Variants in GLIS1 observed in about 807,000 individuals in gnomAD.
GLIS1 encodes the protein zinc finger protein GLIS1.
GLIS1 carries 24 observed loss-of-function variants against 63.8 expected under a neutral mutation model. The ratio of observed to expected loss-of-function variants is 0.38; its 90% CI spans 0.27 to 0.53. The LOEUF (loss-of-function observed/expected upper bound fraction) is 0.53. Among genes scored for constraint, GLIS1 ranks in the 20% least tolerant of loss-of-function variants. The pLI, the probability that GLIS1 is intolerant of heterozygous loss-of-function variation, is 0.85. For synonymous variants in GLIS1, 450 were observed against 482.5 expected (o/e 0.93, Z 0.88); for missense variants, 1,036 against 1,074.1 (o/e 0.96, Z 0.50).
rs561082671 is a variant in GLIS1, at chr1:53,639,586, G to A, written c.260-39308C>T. On this transcript the variant is annotated intron_variant, in intron 2 of 10. Transcript: ENST00000628545. The surrounding 1 kb of genome is among the most constrained non-coding windows in gnomAD (Gnocchi z 4.6). Reference sequence around the variant, plus strand: ...CACAATTTGACGGAGGCCTAGAGCTGGATCCACCAGAGGGTGACGATAATA... The same window carrying A: ...CACAATTTGACGGAGGCCTAGAGCTAGATCCACCAGAGGGTGACGATAATA... Among the ~76,000 whole-genome samples the A allele has an allele frequency of 6.6e-6, 1 of 152,254 alleles. No individual in the cohort carries two copies. The highest frequency in any genetic ancestry group is 2.1e-4 in the South Asian group (1 of 4,822).
intron 4 of GLIS1, among the ~76,000 whole-genome samples, chr1:53,551,676 G>A (rs1644761107): frequency 6.6e-6 from 1 of 152,002 alleles, no homozygotes; most frequent in Non-Finnish European, 1.5e-5. Flanking sequence ...TCCCCGGTGA[G>A]GGCACTCCCA....
intron 4 of GLIS1, among the ~76,000 whole-genome samples, chr1:53,590,714 C>A (rs943966801): frequency 2.0e-5 from 3 of 152,098 alleles, no homozygotes; most frequent in African/African-American, 7.2e-5. Flanking sequence ...ACTCGGGCAA[C>A]GTAAGAAACA....
intron 2 of GLIS1, among the ~76,000 whole-genome samples, chr1:53,666,080 C>T (rs4927025): frequency 0.21 from 31,563 of 152,086 alleles, 3,328 homozygotes; most frequent in East Asian, 0.33. Flanking sequence ...CCAGAATGCA[C>T]GAGGTTACAC....
At chr1:53,615,391 T>C (rs905246442) in intron 2 of GLIS1, among the ~76,000 whole-genome samples, 3 of 152,186 alleles carry the variant, frequency 2.0e-5, no homozygotes, top group African/African-American at 7.2e-5. Context: ...TCCCAACTCC[T>C]ACCCTGTGAA....
In GLIS1 at chr1:53,623,540, G is replaced by C. The variant is rs191888381; in HGVS notation, c.260-23262C>G. Among the ~76,000 whole-genome samples, 15 of 152,246 alleles carry C rather than the reference G, an allele frequency of 9.9e-5. No homozygotes were observed. In the East Asian group the frequency reaches 2.7e-3, roughly 27 times the overall value. On this transcript the variant is annotated intron_variant, in intron 2 of 10. Transcript: ENST00000628545. Reference sequence around the variant, plus strand: ...ACATTATTATTAGATGTCTTAGCTAGTGCAGTTCAGTAAGAAAGGAAAAAA... The same window carrying C: ...ACATTATTATTAGATGTCTTAGCTACTGCAGTTCAGTAAGAAAGGAAAAAA...
chr1:53,696,090 A>G (rs1646462553), intron 2 of GLIS1, among the ~76,000 whole-genome samples: 1 of 152,236 alleles, frequency 6.6e-6, no homozygotes, highest in Non-Finnish European at 1.5e-5. Context: ...CCTGCTTTAC[A>G]AGGTGGGACA....
intron 2 of GLIS1, among the ~76,000 whole-genome samples, chr1:53,644,695 G>C (rs1222618481): frequency 1.3e-5 from 2 of 152,182 alleles, no homozygotes; most frequent in African/African-American, 4.8e-5. Context: ...GCAGTGTGCT[G>C]GGCTGGAGAG....
intron 4 of GLIS1, among the ~76,000 whole-genome samples, chr1:53,570,528 G>T (rs1057087572): frequency 6.6e-6 from 1 of 152,154 alleles, no homozygotes; most frequent in African/African-American, 2.4e-5. Flanking sequence ...AGCGGGGATG[G>T]ACTTTTCTAC....
intron 4 of GLIS1, among the ~76,000 whole-genome samples, chr1:53,564,601 C>A (rs191450377): frequency 1.2e-3 from 175 of 152,092 alleles, no homozygotes; most frequent in Non-Finnish European, 2.1e-3. Flanking sequence ...ATAAACACAT[C>A]TAAACATAAG....
At chr1:53,686,075 T>G (rs1038769153) in intron 2 of GLIS1, among the ~76,000 whole-genome samples, 1 of 152,196 alleles carries the variant, frequency 6.6e-6, no homozygotes, top group Admixed American at 6.5e-5. Context: ...GCAGCCATGA[T>G]CCCAGCTGCC....
intron 2 of GLIS1, among the ~76,000 whole-genome samples, chr1:53,722,857 G>T (rs1036408029): frequency 1.3e-5 from 2 of 151,684 alleles, no homozygotes; most frequent in African/African-American, 4.8e-5. Context: ...AGTAGGCCAG[G>T]TGCAGTGGTT....
intron 2 of GLIS1, among the ~76,000 whole-genome samples, chr1:53,732,923 A>G (rs184391913): frequency 2.6e-5 from 4 of 152,312 alleles, no homozygotes; most frequent in Admixed American, 2.0e-4. Flanking sequence ...TTCCAAGACA[A>G]TTGAGAGAAG....
chr1:53,544,308 C>T (rs565763580), intron 4 of GLIS1, among the ~76,000 whole-genome samples: 17 of 152,238 alleles, frequency 1.1e-4, no homozygotes, highest in East Asian at 7.7e-4. Flanking sequence ...GAGAGGAGCC[C>T]GCAACTCTGC....
rs1043870466 is a variant in GLIS1, at chr1:53,526,955, T to G, written c.1483-2068A>C. Among the ~76,000 whole-genome samples the G allele has an allele frequency of 6.6e-6, 1 of 152,220 alleles. No homozygotes were observed. The highest frequency in any genetic ancestry group is 1.5e-5 in the Non-Finnish European group (1 of 68,040). ...CTCCCTCTGTCTGTAATGAGGACGC[T>G]CCGGGTGAGTCTGCCGTGCGGAGCC... On this transcript the variant is annotated intron_variant, in intron 5 of 10. Coordinates refer to ENST00000628545, the MANE Select transcript of GLIS1 (RefSeq NM_001367484.1). This position sits in a 1 kb window ranked among gnomAD's most constrained non-coding sequence, Gnocchi z 4.4.
At chr1:53,685,512 A>C (rs1646326956) in intron 2 of GLIS1, among the ~76,000 whole-genome samples, 2 of 151,880 alleles carry the variant, frequency 1.3e-5, no homozygotes, top group Admixed American at 1.3e-4. Context: ...TTCTGCAAAA[A>C]CCCTGGTACC....
At chr1:53,681,325 C>A (rs1646272666) in intron 2 of GLIS1, among the ~76,000 whole-genome samples, 1 of 152,236 alleles carries the variant, frequency 6.6e-6, no homozygotes, top group South Asian at 2.1e-4. Context: ...TGGGGCCAGC[C>A]ACAGTTGTCC....
intron 2 of GLIS1, among the ~76,000 whole-genome samples, chr1:53,706,185 T>C (rs977940101): frequency 3.3e-5 from 5 of 152,206 alleles, no homozygotes; most frequent in Admixed American, 2.0e-4. Flanking sequence ...ACTTGCCCAG[T>C]GTCAAAGACA....
In GLIS1 at chr1:53,565,734, A is replaced by C. The variant is rs189162290; in HGVS notation, c.1320+28374T>G. 4.9e-3 allele frequency among the ~76,000 whole-genome samples: 739 copies of C among 152,200 alleles called. 6 individuals are homozygous for C. The highest frequency in any genetic ancestry group is 0.017 in the African/African-American group (691 of 41,576). ...TCAGTAGTTTAAAATCTTTCCACAA[A>C]GATAGTTTTATAGGCAAGTTTACCA... On this transcript the variant is annotated intron_variant, in intron 4 of 10. Coordinates refer to ENST00000628545, the MANE Select transcript of GLIS1 (RefSeq NM_001367484.1).
chr1:53,522,986 CTT>C (rs1553120127), intron 6 of GLIS1, among the ~76,000 whole-genome samples: 2 of 43,688 alleles, frequency 4.6e-5, no homozygotes, highest in African/African-American at 4.4e-5. Flanking sequence ...TCTTTTCTTT[CTT>C]TTTTTTTTTT....
Sources: gnomAD v4.1 joint callset for allele counts (sites outside exome capture counted in the v4.1 genomes callset) on GRCh38, gnomAD v4.1.1 for gene constraint, Gnocchi (gnomAD v3.1) non-coding constraint, MANE v1.5 for transcripts, NCBI Gene and HGNC (gene_info 2026-07-23, HGNC 2026-07-21) for gene names.